The following RGS7 variants were observed in gnomAD, a reference collection of about 807,000 sequenced individuals.
The protein encoded by RGS7 is regulator of G protein signaling 7.
RGS7 carries 27 observed loss-of-function variants against 81.1 expected under a neutral mutation model. The observed-to-expected ratio is 0.33, with a 90% CI of 0.25 to 0.46. RGS7 has a LOEUF of 0.46. Among genes scored for constraint, RGS7 ranks in the 20% least tolerant of loss-of-function variants. The pLI is 1.00. For missense variants in RGS7, 396 were observed against 607.4 expected (o/e 0.65, Z 3.66); for synonymous variants, 208 against 207.7 (o/e 1.00, Z -0.01).
chr1:240,892,980 C>G (rs1209711546), intron 6 of RGS7, among the ~76,000 whole-genome samples: 1 of 151,982 alleles, frequency 6.6e-6, no homozygotes. Flanking sequence ...TTTCAAGAAT[C>G]AAGAACACTT....
chr1:241,175,090 G>T (rs760980931), intron 2 of RGS7, among the ~76,000 whole-genome samples: 3 of 151,662 alleles, frequency 2.0e-5, no homozygotes, highest in Non-Finnish European at 4.4e-5. Flanking sequence ...TTTTTGTATA[G>T]ACAGGGTTTC....
chr1:241,233,912 C>T (rs370464210), intron 2 of RGS7, among the ~76,000 whole-genome samples: 61 of 152,080 alleles, frequency 4.0e-4, no homozygotes, highest in African/African-American at 1.4e-3. Flanking sequence ...TCCTCACCAC[C>T]ATCTGTCATT....
At chr1:240,878,961 G>T (rs16840928) in intron 6 of RGS7, among the ~76,000 whole-genome samples, 163 of 152,180 alleles carry the variant, frequency 1.1e-3, no homozygotes, top group African/African-American at 3.8e-3. Context: ...ACAATCCAGT[G>T]AAAGTTTCTC....
intron 2 of RGS7, among the ~76,000 whole-genome samples, chr1:241,101,369 G>A (rs905927710): frequency 6.6e-5 from 10 of 152,058 alleles, no homozygotes; most frequent in East Asian, 3.9e-4. Flanking sequence ...GGTGACAGGC[G>A]CCTGTAATCC....
intron 2 of RGS7, among the ~76,000 whole-genome samples, chr1:241,236,176 C>A (rs1454258492): frequency 7.1e-6 from 1 of 140,746 alleles, no homozygotes; most frequent in Non-Finnish European, 1.5e-5. Context: ...CTCCGCCCCC[C>A]ATATTTTAGA....
intron 3 of RGS7, among the ~76,000 whole-genome samples, chr1:241,044,603 T>A (rs2060812353): frequency 6.7e-6 from 1 of 149,524 alleles, no homozygotes; most frequent in African/African-American, 2.5e-5. Flanking sequence ...AAAATTTATT[T>A]ATTTTTTTTG....
At chr1:241,324,333 C>CA (rs34641520) in intron 2 of RGS7, among the ~76,000 whole-genome samples, 3,030 of 143,914 alleles carry the variant, frequency 0.021, 86 homozygotes, top group African/African-American at 0.065. Context: ...TATATAAAAG[C>CA]AAAAAAAACA....
At chr1:241,176,269 T>C (rs971144729) in intron 2 of RGS7, among the ~76,000 whole-genome samples, 29 of 152,250 alleles carry the variant, frequency 1.9e-4, no homozygotes, top group African/African-American at 7.0e-4. Context: ...TCGAGAAGCA[T>C]AGAAAGCCTT....
intron 15 of RGS7, among the ~76,000 whole-genome samples, chr1:240,803,939 A>G (rs185301142): frequency 6.6e-6 from 1 of 152,248 alleles, no homozygotes; most frequent in East Asian, 1.9e-4. Context: ...AATAATTTGA[A>G]GTTACTTTAA....
chr1:241,114,067 A>G (rs2065719698), intron 2 of RGS7, among the ~76,000 whole-genome samples: 1 of 152,162 alleles, frequency 6.6e-6, no homozygotes, highest in African/African-American at 2.4e-5. Flanking sequence ...GTATACAGAG[A>G]CAATGGCTAG....
intron 3 of RGS7, among the ~76,000 whole-genome samples, chr1:241,079,125 T>C (rs777568210): frequency 6.6e-6 from 1 of 152,216 alleles, no homozygotes; most frequent in Non-Finnish European, 1.5e-5. Context: ...ACCGAGTTCC[T>C]ATCTCTCTAG....
chr1:240,872,023 T>C (rs1664578063), intron 6 of RGS7, among the ~76,000 whole-genome samples: 1 of 152,046 alleles, frequency 6.6e-6, no homozygotes, highest in South Asian at 2.1e-4. Flanking sequence ...AAAGCAAGAG[T>C]GGGATGATTT....
intron 3 of RGS7, among the ~76,000 whole-genome samples, chr1:241,081,756 T>C (rs1318900509): frequency 2.0e-5 from 3 of 152,208 alleles, no homozygotes; most frequent in Non-Finnish European, 2.9e-5. Flanking sequence ...CACAGTGATA[T>C]ATGTTGCAGA....
At chr1:240,864,185 C>G (rs181080651) in intron 9 of RGS7, among the ~76,000 whole-genome samples, 2 of 152,138 alleles carry the variant, frequency 1.3e-5, no homozygotes, top group Non-Finnish European at 2.9e-5. Context: ...TTAGTCCACT[C>G]TTTATGACTG....
At chr1:240,854,509 T>C (rs1660718150) in intron 9 of RGS7, among the ~76,000 whole-genome samples, 1 of 152,136 alleles carries the variant, frequency 6.6e-6, no homozygotes. Context: ...CACTGAATAG[T>C]AGGGGAGAAG....
chr1:240,896,058 T>C (rs986256843), intron 6 of RGS7, among the ~76,000 whole-genome samples: 5 of 152,242 alleles, frequency 3.3e-5, no homozygotes, highest in Non-Finnish European at 7.3e-5. Context: ...GATTTTTTCA[T>C]GTGTCTTTTG....
At chr1:241,148,963 T>C (rs185625635) in intron 2 of RGS7, among the ~76,000 whole-genome samples, 2 of 152,362 alleles carry the variant, frequency 1.3e-5, no homozygotes, top group African/African-American at 4.8e-5. Flanking sequence ...TTACAACCAT[T>C]TTGACATTCT....
intron 2 of RGS7, among the ~76,000 whole-genome samples, chr1:241,272,994 ATGTGTGTGTGTC>A (rs2077995410): frequency 1.3e-5 from 2 of 151,684 alleles, no homozygotes; most frequent in African/African-American, 4.8e-5. Flanking sequence ...ATACATATGT[ATGTGTGTGTGTC>A]TGTGTGTGTG....
chr1:241,244,432 C>T (rs1042480953), intron 2 of RGS7, among the ~76,000 whole-genome samples: 10 of 152,064 alleles, frequency 6.6e-5, no homozygotes, highest in African/African-American at 2.4e-4. Flanking sequence ...GTTAGAATGG[C>T]GATCATTAAA....
Sources: allele counts gnomAD v4.1 joint callset (sites outside exome capture counted in the v4.1 genomes callset), GRCh38; gene constraint gnomAD v4.1.1; transcripts MANE v1.5; gene names NCBI Gene and HGNC (gene_info 2026-07-23, HGNC 2026-07-21).